SPACA6: variants seen among roughly 807,000 people sequenced by gnomAD.
The protein encoded by SPACA6 is sperm acrosome membrane-associated protein 6.
For synonymous variants in SPACA6, 6 were observed against 1.5 expected (o/e 4.05, Z -2.21); for missense variants, 8 against 2.8 (o/e 2.88, Z -1.34).
chr19:51,693,845 A>G, intron 1 of SPACA6, 105 bp downstream of exon 1: 3 of 400,846 alleles, frequency 7.5e-6, no homozygotes, highest in Non-Finnish European at 1.3e-5. Context: ...AGAAACAGTC[A>G]GAGGAGAAAG....
intron 2 of SPACA6, among the ~76,000 whole-genome samples, chr19:51,700,493 A>G (rs1415408322): frequency 1.3e-5 from 2 of 152,200 alleles, no homozygotes; most frequent in Non-Finnish European, 2.9e-5. Context: ...TCCAAATTTT[A>G]TATGTTGGCA....
intron 1 of SPACA6, chr19:51,693,981 G>C (rs1436751912): frequency 1.2e-5 from 4 of 341,538 alleles, no homozygotes; most frequent in East Asian, 4.7e-5. Context: ...GACTCAGAGA[G>C]GGGGAGGATG....
At chr19:51,691,098 A>AGC (rs916226551), upstream of SPACA6, among the ~76,000 whole-genome samples, 4 of 145,120 alleles carry the variant, frequency 2.8e-5, no homozygotes, top group Non-Finnish European at 6.1e-5. Context: ...CCCCCTCCTC[A>AGC]GGTCGCTACC....
intron 3 of SPACA6, 164 bp from the exon 4 acceptor site, chr19:51,702,465 C>G: frequency 2.5e-6 from 1 of 393,662 alleles, no homozygotes; most frequent in Non-Finnish European, 4.5e-6. Flanking sequence ...GGCCCCGGCC[C>G]CAGGTGGAAC....
chr19:51,692,006 G>A (rs1463157460), upstream of SPACA6, among the ~76,000 whole-genome samples: 1 of 152,166 alleles, frequency 6.6e-6, no homozygotes, highest in Non-Finnish European at 1.5e-5. This position sits in a 1 kb window ranked among gnomAD's most constrained non-coding sequence, Gnocchi z 5.6. Flanking sequence ...GTCAGGGAGA[G>A]GACTGGTGCT....
At chr19:51,711,192 C>T (rs73054899) in intron 2 of SPACA6, among the ~76,000 whole-genome samples, 12,403 of 152,254 alleles carry the variant, frequency 0.081, 647 homozygotes, top group African/African-American at 0.14. Flanking sequence ...TTGGTTTTAG[C>T]AACGTGGATA....
chr19:51,689,448 GGGA>G (rs1321215169), upstream of SPACA6: 2 of 152,340 alleles, frequency 1.3e-5, no homozygotes, highest in Non-Finnish European at 2.9e-5. Context: ...CGGGGACGGC[GGGA>G]GGAAGGGGAG....
At chr19:51,694,234 AGAG>A in intron 1 of SPACA6, 1 of 363,952 alleles carries the variant, frequency 2.7e-6, no homozygotes, top group Non-Finnish European at 4.9e-6. Flanking sequence ...AAACCCAGAG[AGAG>A]GAGGACAGAG....
At chr19:51,693,128 G>C (rs2083390101), upstream of SPACA6, 1 of 394,800 alleles carries the variant, frequency 2.5e-6, no homozygotes, top group African/African-American at 2.1e-5. Flanking sequence ...TGCCCCTCCC[G>C]ATATCTCTCT....
chr19:51,703,438 C>A lies in SPACA6; in HGVS notation c.573+101C>A. On this transcript the variant is annotated intron_variant, in intron 6 of 8. Coordinates refer to ENST00000637797, the MANE Select transcript of SPACA6 (RefSeq NM_001316972.2). This position sits in a 1 kb window ranked among gnomAD's most constrained non-coding sequence, Gnocchi z 4.2. The stretch of plus-strand genomic sequence containing the variant: ...GCGGGGACGGGACTCCGGGAATCTC[C>A]GTCTAGACACAAGCATCAGCAAGAG... 2.5e-6 allele frequency: 1 copy of A among 397,706 alleles called. No individual in the cohort carries two copies. Among genetic ancestry groups the A allele is most frequent in the South Asian group, 1.4e-4 (1 of 7,270 alleles). The allele number at this position is 397,706 out of a possible 1,614,324, so 24.6% of individuals were successfully genotyped here. A position where few individuals can be genotyped will look rare whatever the true frequency, so the allele number is the denominator to read the frequency against.
chr19:51,709,521 A>G (rs1287530370), downstream of SPACA6, among the ~76,000 whole-genome samples: 23 of 148,634 alleles, frequency 1.5e-4, no homozygotes, highest in Non-Finnish European at 5.9e-5. Flanking sequence ...GCATCTCAGG[A>G]AAAAAAAGGC....
upstream of SPACA6, among the ~76,000 whole-genome samples, chr19:51,690,048 T>G (rs1600129469): frequency 9.4e-6 from 1 of 106,508 alleles, no homozygotes; most frequent in Non-Finnish European, 1.9e-5. Context: ...GGAGGTTGTC[T>G]GGGCTGCCAG....
At chr19:51,684,693 ATGATAGC>A (rs889807044), upstream of SPACA6, among the ~76,000 whole-genome samples, 55 of 152,318 alleles carry the variant, frequency 3.6e-4, no homozygotes, top group African/African-American at 9.9e-4. Flanking sequence ...ATTAACACTA[ATGATAGC>A]TGATGAGCTT....
At chr19:51,692,767 C>T, upstream of SPACA6, 1 of 534,462 alleles carries the variant, frequency 1.9e-6, no homozygotes, top group Non-Finnish European at 3.8e-6. This position sits in a 1 kb window ranked among gnomAD's most constrained non-coding sequence, Gnocchi z 5.6. Context: ...TCTGTCGGGT[C>T]TGTCCACCTG....
At chr19:51,699,814 G>C (rs909805514) in intron 2 of SPACA6, among the ~76,000 whole-genome samples, 2 of 152,126 alleles carry the variant, frequency 1.3e-5, no homozygotes, top group African/African-American at 4.8e-5. Context: ...TGGTTGCGGG[G>C]GATGGGGGGT....
At chr19:51,707,450 T>C (rs1287272670), downstream of SPACA6, among the ~76,000 whole-genome samples, 3 of 152,142 alleles carry the variant, frequency 2.0e-5, no homozygotes, top group Non-Finnish European at 2.9e-5. Context: ...CTCAAACTCC[T>C]GACCTCAAGT....
At chr19:51,709,531 C>CAAAAAAA (rs56170768), downstream of SPACA6, among the ~76,000 whole-genome samples, 75 of 54,432 alleles carry the variant, frequency 1.4e-3, no homozygotes, top group African/African-American at 3.9e-3. Context: ...AAAAAAAAGG[C>CAAAAAAA]AAAAAAAAAA....
chr19:51,691,381 A>G (rs762673061), upstream of SPACA6, among the ~76,000 whole-genome samples: 11 of 150,424 alleles, frequency 7.3e-5, no homozygotes, highest in Non-Finnish European at 1.3e-4. Flanking sequence ...GAGGAAAGAC[A>G]TCCGAAAAAA....
At chr19:51,705,702 TTTTA>T (rs911073336), downstream of SPACA6, among the ~76,000 whole-genome samples, 2 of 123,946 alleles carry the variant, frequency 1.6e-5, no homozygotes, top group African/African-American at 7.5e-5. Context: ...TTTTATTTTA[TTTTA>T]TTTTTTTGGA....
Sources: gnomAD v4.1 joint callset for allele counts (sites outside exome capture counted in the v4.1 genomes callset) on GRCh38, gnomAD v4.1.1 for gene constraint, Gnocchi (gnomAD v3.1) non-coding constraint, MANE v1.5 for transcripts, NCBI Gene and HGNC (gene_info 2026-07-23, HGNC 2026-07-21) for gene names.